PLEKHH2: variants seen among roughly 807,000 people sequenced by gnomAD.
PLEKHH2 encodes the protein pleckstrin homology domain-containing family H member 2.
A neutral mutation model predicts 187.9 loss-of-function variants in PLEKHH2; 129 were observed. The ratio of observed to expected loss-of-function variants is 0.69; its 90% CI spans 0.59 to 0.79. The LOEUF is 0.79. Ranked by LOEUF, PLEKHH2 falls within the 30% of genes least tolerant of loss-of-function variation. The pLI, the probability that PLEKHH2 is intolerant of heterozygous loss-of-function variation, is 0.00. For synonymous variants in PLEKHH2, 686 were observed against 605.6 expected (o/e 1.13, Z -1.95); for missense variants, 2,076 against 1,751.2 (o/e 1.19, Z -3.31).
At chr2:43,758,162 C>T (rs1161425148) in intron 26 of PLEKHH2, among the ~76,000 whole-genome samples, 1 of 152,162 alleles carries the variant, frequency 6.6e-6, no homozygotes, top group Non-Finnish European at 1.5e-5. Flanking sequence ...TTTGATTTGA[C>T]AAGTTTCACC....
In PLEKHH2 at chr2:43,742,146, G is replaced by A. The variant is rs192161203; in HGVS notation, c.3222-595G>A. Among the ~76,000 whole-genome samples, 434 of 151,868 alleles carry A rather than the reference G, an allele frequency of 2.9e-3. 4 individuals carry two copies. Among genetic ancestry groups the A allele is most frequent in the African/African-American group, 9.8e-3 (404 of 41,392 alleles). On this transcript the variant is annotated intron_variant, in intron 21 of 29. Coordinates refer to ENST00000282406, the MANE Select transcript of PLEKHH2 (RefSeq NM_172069.4). ...CTCCCAAGTAGCTGGGACTACAAGCGTGCGCCACCACCCCCGGCTAATTTT... is the reference window on the plus strand; with the variant it reads ...CTCCCAAGTAGCTGGGACTACAAGCATGCGCCACCACCCCCGGCTAATTTT...
intron 24 of PLEKHH2, among the ~76,000 whole-genome samples, chr2:43,750,009 G>A (rs1031279944): frequency 1.3e-5 from 2 of 152,198 alleles, no homozygotes; most frequent in African/African-American, 2.4e-5. Context: ...TCTATTCATA[G>A]TTAAGCTTCT....
At chr2:43,715,155 A>G (rs1227471332) in intron 15 of PLEKHH2, among the ~76,000 whole-genome samples, 1 of 152,132 alleles carries the variant, frequency 6.6e-6, no homozygotes, top group African/African-American at 2.4e-5. Context: ...GGGCACCTGT[A>G]ATCCCAGCTA....
intron 28 of PLEKHH2, 98 bp from the exon 29 acceptor site, chr2:43,764,130 T>C (rs1008259706): frequency 1.3e-5 from 9 of 684,358 alleles, no homozygotes; most frequent in Non-Finnish European, 2.0e-5. Context: ...CATAATTGAT[T>C]AATATCTGCC....
In PLEKHH2 at chr2:43,758,995, G is replaced by A. The variant is rs773565240; in HGVS notation, c.4037G>A (p.Trp1346Ter). ...ATTTATTTGACAGTAGCCAGGAAGT[G>A]GCCATTCTTTGGTGCCAAGTTGTTT... ...VRIYLTVARK[W>*]PFFGAKLFLA... The change falls in exon 27 of 30, where the codon TGG (tryptophan) becomes TAG (stop). Residue 1346 changes from tryptophan (W) to a stop codon, truncating the protein, a stop_gained. Transcript: ENST00000282406. LOFTEE classifies it high-confidence loss of function. 1 of 1,612,712 alleles carries A rather than the reference G, an allele frequency of 6.2e-7. No individual in the cohort carries two copies. The highest frequency in any genetic ancestry group is 1.1e-5 in the South Asian group (1 of 90,916).
chr2:43,717,462 G>T (rs1670268728), intron 15 of PLEKHH2, among the ~76,000 whole-genome samples: 1 of 152,190 alleles, frequency 6.6e-6, no homozygotes. Flanking sequence ...AAGAATAGGA[G>T]TGTGGTAAGT....
At chr2:43,705,678 G>C (rs1669624106) in intron 9 of PLEKHH2, among the ~76,000 whole-genome samples, 1 of 152,178 alleles carries the variant, frequency 6.6e-6, no homozygotes, top group Non-Finnish European at 1.5e-5. Context: ...CTGTAGTGCA[G>C]TGGCATGATC....
chr2:43,673,859 T>C (rs1158003), intron 2 of PLEKHH2, among the ~76,000 whole-genome samples: 100,277 of 151,984 alleles, frequency 0.66, 33,812 homozygotes, highest in Middle Eastern at 0.73. Context: ...TATATTCATA[T>C]TTCAAGGATT....
At chr2:43,746,652 T>C (rs1671789255) in intron 24 of PLEKHH2, among the ~76,000 whole-genome samples, 1 of 152,132 alleles carries the variant, frequency 6.6e-6, no homozygotes, top group Non-Finnish European at 1.5e-5. Context: ...AACAGTATTA[T>C]TACATTTTTC....
At chr2:43,711,905 A>AC (rs1669985831) in intron 14 of PLEKHH2, 1 of 1,001,218 alleles carries the variant, frequency 1.0e-6, no homozygotes, top group African/African-American at 1.8e-5. Context: ...AAAAAAAAAA[A>AC]AAAAGAAAAG....
In PLEKHH2 at chr2:43,728,519, A is replaced by AATG. The variant is rs1265767490; in HGVS notation, c.2722-1117_2722-1115dup. 2.7e-5 allele frequency among the ~76,000 whole-genome samples: 4 copies of AATG among 150,900 alleles called. No individual in the cohort carries two copies. In the East Asian group the frequency reaches 7.7e-4, roughly 29 times the overall value. ...AAGAAAGAAAAAGAAAATGTTAGTA[A>AATG]ATGTAGCCAAAAATTTATGTATAGT... On this transcript the variant is annotated intron_variant, in intron 17 of 29. Transcript: ENST00000282406.
Position 43,706,935 on chromosome 2 carries a change from C to T in PLEKHH2, c.1822-466C>T, listed in dbSNP as rs1025527435. On this transcript the variant is annotated intron_variant, in intron 10 of 29. Coordinates refer to ENST00000282406, the MANE Select transcript of PLEKHH2 (RefSeq NM_172069.4). ...TATGCTGGCTGGGCACGGTGGCTCA[C>T]GCCTGTAATCCCAGCACTTTGGGAG... Among the ~76,000 whole-genome samples, 35 of 152,290 alleles carry T rather than the reference C, an allele frequency of 2.3e-4. No homozygotes were observed. The Middle Eastern group carries it at 0.01, about 44-fold the overall frequency.
intron 15 of PLEKHH2, among the ~76,000 whole-genome samples, chr2:43,716,401 G>A (rs181331377): frequency 4.6e-5 from 7 of 152,240 alleles, no homozygotes; most frequent in Admixed American, 6.5e-5. Context: ...ACATTATTCC[G>A]TACGACAATG....
At chr2:43,650,898 G>A (rs1666436960) in intron 2 of PLEKHH2, among the ~76,000 whole-genome samples, 1 of 151,762 alleles carries the variant, frequency 6.6e-6, no homozygotes, top group South Asian at 2.1e-4. Flanking sequence ...GCCCACCTTG[G>A]GCTCCCAAAG....
At chr2:43,646,314 C>T (rs556582704) in intron 2 of PLEKHH2, among the ~76,000 whole-genome samples, 5 of 152,178 alleles carry the variant, frequency 3.3e-5, no homozygotes, top group South Asian at 2.1e-4. Context: ...ATGATTTATC[C>T]GGTATTTTCC....
intron 2 of PLEKHH2, among the ~76,000 whole-genome samples, chr2:43,654,595 T>C (rs1234901676): frequency 6.8e-6 from 1 of 147,940 alleles, no homozygotes; most frequent in South Asian, 2.2e-4. Flanking sequence ...ATGGCCAGCA[T>C]TGGCTGCCAC....
At chr2:43,687,009 A>G (rs1668556386) in intron 3 of PLEKHH2, among the ~76,000 whole-genome samples, 1 of 151,852 alleles carries the variant, frequency 6.6e-6, no homozygotes, top group African/African-American at 2.4e-5. Flanking sequence ...TTTAACTGTT[A>G]TTTTAGACTC....
chr2:43,716,865 A>G (rs1670236734), intron 15 of PLEKHH2, among the ~76,000 whole-genome samples: 1 of 152,248 alleles, frequency 6.6e-6, no homozygotes, highest in African/African-American at 2.4e-5. Context: ...GTTATTAATT[A>G]TGGCTAATAT....
At chr2:43,713,999 A>G (rs1670093398) in intron 15 of PLEKHH2, among the ~76,000 whole-genome samples, 1 of 152,202 alleles carries the variant, frequency 6.6e-6, no homozygotes, top group African/African-American at 2.4e-5. Flanking sequence ...TACGACTGTG[A>G]AAATGTTTTC....
Sources: gnomAD v4.1 joint callset for allele counts (sites outside exome capture counted in the v4.1 genomes callset) on GRCh38, gnomAD v4.1.1 for gene constraint, MANE v1.5 for transcripts, NCBI Gene and HGNC (gene_info 2026-07-23, HGNC 2026-07-21) for gene names.